TG: variants seen among roughly 807,000 people sequenced by gnomAD.
The protein encoded by TG is thyroglobulin.
TG carries 270 observed loss-of-function variants against 324.7 expected under a neutral mutation model. That is an observed-to-expected ratio of 0.83 (90% CI 0.75 to 0.92). The LOEUF (loss-of-function observed/expected upper bound fraction) is 0.92. Among genes scored for constraint, TG ranks in the 40% least tolerant of loss-of-function variants. The probability of loss-of-function intolerance (pLI) is 0.00; values close to 1 mark genes in which losing one functional copy is unlikely to be tolerated. For synonymous variants in TG, 1,401 were observed against 1,327.0 expected (o/e 1.06, Z -1.21); for missense variants, 3,591 against 3,456.4 (o/e 1.04, Z -0.98).
intron 26 of TG, among the ~76,000 whole-genome samples, chr8:132,943,147 T>G (rs1824698256): frequency 6.6e-6 from 1 of 152,170 alleles, no homozygotes; most frequent in South Asian, 2.1e-4. Flanking sequence ...TTTGGATGTT[T>G]GTCCCTCCTC....
At chr8:133,020,293 A>C (rs186741251) in intron 39 of TG, among the ~76,000 whole-genome samples, 1 of 152,294 alleles carries the variant, frequency 6.6e-6, no homozygotes, top group Non-Finnish European at 1.5e-5. Flanking sequence ...GAGGAGGAGC[A>C]GTGTTACCTC....
intron 41 of TG, chr8:133,037,143 G>A (rs1392477797): frequency 6.6e-6 from 1 of 152,206 alleles, no homozygotes; most frequent in Admixed American, 6.5e-5. Context: ...GAGAGATACT[G>A]CAAGCATGTT....
At chr8:132,911,647 C>A in intron 19 of TG, 114 bp downstream of exon 19, 1 of 859,236 alleles carries the variant, frequency 1.2e-6, no homozygotes, top group Non-Finnish European at 2.0e-6. Flanking sequence ...CTTGTGAAGA[C>A]TATGGGGAGA....
intron 45 of TG, among the ~76,000 whole-genome samples, chr8:133,127,353 G>T (rs1388588702): frequency 6.6e-6 from 1 of 152,182 alleles, no homozygotes; most frequent in African/African-American, 2.4e-5. Flanking sequence ...GCTCGCTGGG[G>T]TGCAGGCTTA....
chr8:132,970,951 G>A lies in TG; in HGVS notation c.5976-843G>A, dbSNP rs911054617. Among the ~76,000 whole-genome samples the A allele has an allele frequency of 2.6e-5, 4 of 152,172 alleles. No homozygotes were observed. The South Asian group carries it at 6.2e-4, about 24-fold the overall frequency. Reference sequence around the variant, plus strand: ...TGGAGATGCTGCCCAGCAGGTAAAAGCATCACCGCTGGGATGTGGCTTGGG... The same window carrying A: ...TGGAGATGCTGCCCAGCAGGTAAAAACATCACCGCTGGGATGTGGCTTGGG... On this transcript the variant is annotated intron_variant, in intron 32 of 47. Coordinates refer to ENST00000220616, the MANE Select transcript of TG (RefSeq NM_003235.5).
intron 40 of TG, among the ~76,000 whole-genome samples, chr8:133,027,204 C>T (rs1430703156): frequency 6.6e-6 from 1 of 152,214 alleles, no homozygotes; most frequent in Non-Finnish European, 1.5e-5. Flanking sequence ...AATGAGCAAA[C>T]AAGAGCCAAT....
chr8:133,109,434 A>G (rs1850088133), intron 43 of TG, among the ~76,000 whole-genome samples: 1 of 152,236 alleles, frequency 6.6e-6, no homozygotes, highest in Non-Finnish European at 1.5e-5. Flanking sequence ...GCAAAGGCTT[A>G]AAAGTACGAG....
At chr8:133,108,497 T>C (rs1206198876) in intron 43 of TG, among the ~76,000 whole-genome samples, 2 of 152,214 alleles carry the variant, frequency 1.3e-5, no homozygotes, top group Non-Finnish European at 2.9e-5. Context: ...TTTCATCTCA[T>C]CTAACTTCAT....
Position 132,983,359 on chromosome 8 carries a change from A to G in TG, c.6209A>G (p.Asn2070Ser), listed in dbSNP as rs765651112. The G allele has an allele frequency of 5.0e-6, 8 of 1,614,138 alleles. No individual in the cohort carries two copies. The Admixed American group carries it at 5.0e-5, about 10-fold the overall frequency. Residue 2070 changes from asparagine (N) to serine (S), a missense_variant, in exon 35 of 48, where the codon AAT becomes AGT. Asn to Ser is a conservative substitution (Grantham distance 46). Coordinates refer to ENST00000220616, the MANE Select transcript of TG (RefSeq NM_003235.5). ...FGWYQKPIAQ[N>S]NAPSFCPLVV... ...GCTTTTTCCTTTTCAGTTGCTCAAA[A>G]TAATGCTCCCAGTTTTTGCCCTTTG... is the stretch of plus-strand genomic sequence containing the variant.
chr8:132,892,781 GTGTGTA>G (rs974601112), intron 10 of TG, among the ~76,000 whole-genome samples: 6 of 151,228 alleles, frequency 4.0e-5, no homozygotes, highest in African/African-American at 1.2e-4. Context: ...GCATAGGTGT[GTGTGTA>G]TGTGTATGAG....
At chr8:133,014,927 T>C (rs1261366726) in intron 37 of TG, among the ~76,000 whole-genome samples, 1 of 152,180 alleles carries the variant, frequency 6.6e-6, no homozygotes, top group East Asian at 1.9e-4. Context: ...ACTCTGTCAC[T>C]CAGGCTGGAG....
intron 24 of TG, 105 bp from the exon 25 acceptor site, chr8:132,935,650 AC>A: frequency 1.0e-6 from 1 of 1,001,668 alleles, no homozygotes; most frequent in Non-Finnish European, 1.6e-6. Flanking sequence ...CAACTAACTT[AC>A]CTTTGTAGCC....
intron 29 of TG, among the ~76,000 whole-genome samples, chr8:132,963,677 G>GTGTC (rs1430057511): frequency 1.3e-5 from 1 of 74,642 alleles, no homozygotes; most frequent in African/African-American, 7.1e-5. Context: ...TGCAGTGTGT[G>GTGTC]TGTGTGTGTG....
chr8:132,880,209 T>C (rs564915127), intron 5 of TG, among the ~76,000 whole-genome samples: 29 of 152,288 alleles, frequency 1.9e-4, no homozygotes, highest in Admixed American at 7.8e-4. Flanking sequence ...GTTTGAACCC[T>C]AGTTCTCACC....
intron 18 of TG, among the ~76,000 whole-genome samples, chr8:132,911,035 G>A (rs552559049): frequency 3.9e-5 from 6 of 152,288 alleles, no homozygotes; most frequent in East Asian, 1.9e-4. Flanking sequence ...ATAGGGGTTC[G>A]GAGATGTCCT....
Position 132,882,838 on chromosome 8 carries a change from G to T in TG, c.914G>T (p.Arg305Leu), listed in dbSNP as rs1293990748. Residue 305 changes from arginine to leucine, a missense_variant, in exon 8 of 48, where the codon CGG becomes CTG. Arg to Leu is a moderately radical substitution (Grantham distance 102). Transcript: ENST00000220616. The stretch of plus-strand genomic sequence containing the variant: ...GGCCCCACAAAATGTGAAGTGGAGC[G>T]GTTTACAGCAACCAGCTTTGGTCAC... ...FRCPTKCEVE[R>L]FTATSFGHPY... The T allele has an allele frequency of 6.2e-7, 1 of 1,614,194 alleles. No homozygotes were observed. Among genetic ancestry groups the T allele is most frequent in the East Asian group, 2.2e-5 (1 of 44,882 alleles).
intron 26 of TG, among the ~76,000 whole-genome samples, chr8:132,943,775 C>T (rs536974569): frequency 1.3e-5 from 2 of 152,192 alleles, no homozygotes; most frequent in Non-Finnish European, 2.9e-5. Context: ...TCACCAGGGG[C>T]ATCTTCTGAT....
chr8:133,113,652 G>A lies in TG; in HGVS notation c.7754+49G>A, dbSNP rs758205891. On this transcript the variant is annotated intron_variant, in intron 44 of 47. Transcript: ENST00000220616. ...CAGATTCCTACTGCTATGTTTTGGAGCAGACTCAGTTGGTGTTCAGGTCAT... is the reference window on the plus strand; with the variant it reads ...CAGATTCCTACTGCTATGTTTTGGAACAGACTCAGTTGGTGTTCAGGTCAT... 4 of 1,595,794 alleles carry A rather than the reference G, an allele frequency of 2.5e-6. No homozygotes were observed. The Admixed American group carries it at 7.0e-5, about 28-fold the overall frequency.
At chr8:132,996,713 T>C (rs573704801) in intron 35 of TG, among the ~76,000 whole-genome samples, 48 of 152,208 alleles carry the variant, frequency 3.2e-4, no homozygotes, top group Admixed American at 8.5e-4. Flanking sequence ...GAAGTAGGCA[T>C]TTAGAGGTGA....
Sources: allele counts gnomAD v4.1 joint callset (sites outside exome capture counted in the v4.1 genomes callset), GRCh38; gene constraint gnomAD v4.1.1; transcripts MANE v1.5; gene names NCBI Gene and HGNC (gene_info 2026-07-23, HGNC 2026-07-21).